ASXL3: variants seen among roughly 807,000 people sequenced by gnomAD.
ASXL3 encodes putative Polycomb group protein ASXL3.
In ASXL3, 34 loss-of-function variants were observed where a neutral mutation model predicts 170.6. That is an observed-to-expected ratio of 0.20 (90% CI 0.15 to 0.27). The LOEUF is 0.27. ASXL3 is among the 10% of genes least tolerant of loss of function. The pLI, the probability that ASXL3 is intolerant of heterozygous loss-of-function variation, is 1.00. For synonymous variants in ASXL3, 1,002 were observed against 989.1 expected (o/e 1.01, Z -0.24); for missense variants, 2,592 against 2,695.3 (o/e 0.96, Z 0.85).
intron 4 of ASXL3, among the ~76,000 whole-genome samples, chr18:33,657,100 C>A (rs940840048): frequency 3.9e-5 from 6 of 152,042 alleles, no homozygotes; most frequent in Admixed American, 2.0e-4. Context: ...TGAATTTGTA[C>A]ACTAAATTCC....
At chr18:33,663,165 G>A (rs1415737234) in intron 5 of ASXL3, among the ~76,000 whole-genome samples, 1 of 152,100 alleles carries the variant, frequency 6.6e-6, no homozygotes, top group Non-Finnish European at 1.5e-5. Context: ...AACAGCTGTA[G>A]GTAGCAAAGC....
At chr18:33,738,461 A>ATAATT in intron 10 of ASXL3, 26 bp from the exon 11 acceptor site, 4 of 1,562,578 alleles carry the variant, frequency 2.6e-6, no homozygotes, top group Non-Finnish European at 3.5e-6. Flanking sequence ...TGGTTGAGCA[A>ATAATT]TAATTTATTT....
chr18:33,580,377 T>A (rs1041267868), intron 1 of ASXL3, among the ~76,000 whole-genome samples: 1 of 152,226 alleles, frequency 6.6e-6, no homozygotes, highest in African/African-American at 2.4e-5. Flanking sequence ...TGTGTGGGGA[T>A]GTGCAAGGCT....
chr18:33,623,172 T>C (rs1287466296), intron 2 of ASXL3, among the ~76,000 whole-genome samples: 1 of 152,182 alleles, frequency 6.6e-6, no homozygotes, highest in African/African-American at 2.4e-5. Flanking sequence ...TTCACTCCTT[T>C]AGCTTCAATT....
rs200830165 is a variant in ASXL3, at chr18:33,624,437, TTTG to T, written c.137+16772_137+16774del. ...CTTAACATATTAGTGCTCAGGTTTT[TTTG>T]TTGTTGTTGTATTTTGGTGGAGGCA... On this transcript the variant is annotated intron_variant, in intron 2 of 11. Coordinates refer to ENST00000269197, the MANE Select transcript of ASXL3 (RefSeq NM_030632.3). Among the ~76,000 whole-genome samples the T allele has an allele frequency of 1.6e-4, 25 of 152,224 alleles. No homozygotes were observed. In the East Asian group the frequency reaches 4.1e-3, roughly 25 times the overall value.
In ASXL3 at chr18:33,670,703, G is replaced by T; in HGVS notation, c.508G>T (p.Gly170Ter). ...ALRQQQKRRN[G>*]VSMMVNKTVP... is the part of the protein sequence containing the mutation. ...GAGGCAGCAGCAGAAAAGAAGAAAT[G>T]GAGTCTCAATGATGGTAAACAAGAC... The change falls in exon 6 of 12, where the codon GGA becomes TGA. Residue 170 changes from glycine (G) to a stop codon, truncating the protein, a stop_gained. Transcript: ENST00000269197. LOFTEE classifies it high-confidence loss of function. The T allele has an allele frequency of 6.4e-7, 1 of 1,568,894 alleles. No homozygotes were observed. The highest frequency in any genetic ancestry group is 8.7e-7 in the Non-Finnish European group (1 of 1,155,818).
chr18:33,631,353 T>A (rs1022535883), intron 2 of ASXL3, among the ~76,000 whole-genome samples: 1 of 152,082 alleles, frequency 6.6e-6, no homozygotes, highest in Non-Finnish European at 1.5e-5. Context: ...CCCTTGAGAA[T>A]TGTTTTTTTA....
At chr18:33,667,177 G>T (rs2066271209) in intron 5 of ASXL3, among the ~76,000 whole-genome samples, 1 of 152,124 alleles carries the variant, frequency 6.6e-6, no homozygotes, top group African/African-American at 2.4e-5. Context: ...CTGCCTCCCA[G>T]AAGGTTATGA....
At chr18:33,656,500 T>C (rs532116888) in intron 4 of ASXL3, among the ~76,000 whole-genome samples, 203 of 152,236 alleles carry the variant, frequency 1.3e-3, no homozygotes, top group African/African-American at 4.6e-3. Flanking sequence ...AGAGACTATA[T>C]AATGTACAGA....
intron 4 of ASXL3, among the ~76,000 whole-genome samples, chr18:33,657,308 G>A (rs958150428): frequency 2.0e-5 from 3 of 152,074 alleles, no homozygotes; most frequent in Admixed American, 2.0e-4. Flanking sequence ...AGACACTGAA[G>A]AGTCTCCAGA....
Position 33,646,235 on chromosome 18 carries a change from A to G in ASXL3, c.247-10A>G, listed in dbSNP as rs1359309820. 6.2e-7 allele frequency: 1 copy of G among 1,606,412 alleles called. No homozygotes were observed. Among genetic ancestry groups the G allele is most frequent in the Admixed American group, 1.7e-5 (1 of 59,168 alleles). On this transcript the variant is annotated splice_polypyrimidine_tract_variant and intron_variant, in intron 3 of 11. Coordinates refer to ENST00000269197, the MANE Select transcript of ASXL3 (RefSeq NM_030632.3). Reference sequence around the variant, plus strand: ...TTCTCCATAAATCATCACTTTTCAAAATAATACAGAAAGAGGAGTCGTCAT... The same window carrying G: ...TTCTCCATAAATCATCACTTTTCAAGATAATACAGAAAGAGGAGTCGTCAT...
intron 4 of ASXL3, among the ~76,000 whole-genome samples, chr18:33,646,884 G>T (rs889824751): frequency 2.7e-5 from 4 of 148,256 alleles, no homozygotes; most frequent in Non-Finnish European, 4.5e-5. Context: ...GGGGAGCGGG[G>T]GGGGGGGGCA....
intron 2 of ASXL3, among the ~76,000 whole-genome samples, chr18:33,631,607 A>G (rs1207069766): frequency 2.0e-5 from 3 of 152,156 alleles, no homozygotes; most frequent in Non-Finnish European, 2.9e-5. Flanking sequence ...TATTCATAGC[A>G]GTGCTATTTT....
At chr18:33,636,621 T>C (rs1182486410) in intron 2 of ASXL3, among the ~76,000 whole-genome samples, 1 of 152,038 alleles carries the variant, frequency 6.6e-6, no homozygotes, top group Non-Finnish European at 1.5e-5. Context: ...GCATCAGTCA[T>C]GGGTACTGGA....
In ASXL3 at chr18:33,633,858, A is replaced by G. The variant is rs1338423603; in HGVS notation, c.138-11036A>G. 2.0e-5 allele frequency among the ~76,000 whole-genome samples: 3 copies of G among 151,896 alleles called. No homozygotes were observed. In the East Asian group the frequency reaches 5.8e-4, roughly 29 times the overall value. On this transcript the variant is annotated intron_variant, in intron 2 of 11. Coordinates refer to ENST00000269197, the MANE Select transcript of ASXL3 (RefSeq NM_030632.3). ...GACTCCATCTCAAAAAAAAAAAAAAAAAAAAAATTCAAGTAACAATTAATA... is the reference window on the plus strand; with the variant it reads ...GACTCCATCTCAAAAAAAAAAAAAAGAAAAAAATTCAAGTAACAATTAATA...
At chr18:33,732,155 C>T in intron 9 of ASXL3, 91 bp downstream of exon 9, 2 of 956,412 alleles carry the variant, frequency 2.1e-6, no homozygotes, top group East Asian at 2.5e-5. Context: ...AGTCTTTTCC[C>T]CGACACAGTA....
chr18:33,695,564 G>A (rs966007384), intron 8 of ASXL3, among the ~76,000 whole-genome samples: 3 of 152,082 alleles, frequency 2.0e-5, no homozygotes, highest in South Asian at 2.1e-4. Flanking sequence ...CCTGTTCATC[G>A]GTATCTGCTT....
rs1420352498 is a variant in ASXL3, at chr18:33,743,838, T to C, written c.3990T>C (p.Ala1330=). 5 of 1,613,906 alleles carry C rather than the reference T, an allele frequency of 3.1e-6. No individual in the cohort carries two copies. Among genetic ancestry groups the C allele is most frequent in the East Asian group, 2.2e-5 (1 of 44,882 alleles). ...AGTTACTAATATCAAGCAGCAGTGC[T>C]AGTAACTTAGTCTCCACTCAGTACA... The part of the protein sequence containing the change: ...DKQLLISSSS[A]SNLVSTQYTS... The change falls in exon 12 of 12, where the codon GCT becomes GCC. Residue 1330 remains alanine (A), a synonymous_variant. Coordinates refer to ENST00000269197, the MANE Select transcript of ASXL3 (RefSeq NM_030632.3).
intron 2 of ASXL3, among the ~76,000 whole-genome samples, chr18:33,615,664 CTG>C (rs1019382315): frequency 6.6e-6 from 1 of 152,158 alleles, no homozygotes; most frequent in Non-Finnish European, 1.5e-5. Flanking sequence ...ATTCCAGAGA[CTG>C]TATCACACAT....
Sources: allele counts gnomAD v4.1 joint callset (sites outside exome capture counted in the v4.1 genomes callset), GRCh38; gene constraint gnomAD v4.1.1; transcripts MANE v1.5; gene names NCBI Gene and HGNC (gene_info 2026-07-23, HGNC 2026-07-21).